FLT1: variants seen among roughly 807,000 people sequenced by gnomAD.
FLT1 encodes the protein fms related receptor tyrosine kinase 1, also known as vascular endothelial growth factor receptor 1.
A neutral mutation model predicts 156.3 loss-of-function variants in FLT1; 49 were observed. That is an observed-to-expected ratio of 0.31 (90% CI 0.25 to 0.40). FLT1 has a LOEUF of 0.40. Ranked by LOEUF, FLT1 falls within the 10% of genes least tolerant of loss-of-function variation. FLT1 has a pLI of 1.00. For synonymous variants in FLT1, 594 were observed against 583.8 expected (o/e 1.02, Z -0.25); for missense variants, 1,322 against 1,637.2 (o/e 0.81, Z 3.32).
intron 1 of FLT1, among the ~76,000 whole-genome samples, chr13:28,492,259 G>A (rs74416060): frequency 6.6e-6 from 1 of 151,304 alleles, no homozygotes. Flanking sequence ...TTTCCACTTA[G>A]TTATAGTAAA....
chr13:28,425,532 C>T (rs1877287090), intron 10 of FLT1, among the ~76,000 whole-genome samples: 1 of 74,630 alleles, frequency 1.3e-5, no homozygotes, highest in Admixed American at 1.4e-4. Context: ...TCACTTAAAC[C>T]CAAATTTATA....
rs1872232896 is a variant in FLT1 at position 28,339,169 on chromosome 13, C to T, written c.2487G>A (p.Leu829=). 1 of 1,613,956 alleles carries T rather than the reference C, an allele frequency of 6.2e-7. No individual in the cohort carries two copies. Among genetic ancestry groups the T allele is most frequent in the Admixed American group, 1.7e-5 (1 of 60,008 alleles). The change falls in exon 17 of 30, where the codon CTG becomes CTA. Residue 829 remains leucine (L), a splice_region_variant and synonymous_variant. Coordinates refer to ENST00000282397, the MANE Select transcript of FLT1 (RefSeq NM_002019.4). ...KWEFARERLK[L]GKSLGRGAFG... ...GAATCTGTTGAACAAATATCTTACC[C>T]AGTTTAAGTCTCTCCCGGGCAAACT... is the stretch of plus-strand genomic sequence containing the variant.
At chr13:28,453,407 G>A (rs1189305816) in intron 3 of FLT1, among the ~76,000 whole-genome samples, 1 of 152,122 alleles carries the variant, frequency 6.6e-6, no homozygotes, top group African/African-American at 2.4e-5. Flanking sequence ...ACAGGCGTAA[G>A]CCACCACGCC....
chr13:28,357,428 G>C (rs1019625541), intron 15 of FLT1, 126 bp downstream of exon 15: 1 of 949,288 alleles, frequency 1.1e-6, no homozygotes, highest in African/African-American at 1.6e-5. Context: ...CAGGGAGAGG[G>C]GAGAAGGAGG....
chr13:28,396,900 C>CT, intron 12 of FLT1, 60 bp downstream of exon 12: 1 of 1,013,004 alleles, frequency 9.9e-7, no homozygotes. Flanking sequence ...TAAAAGCAAA[C>CT]AAGACTGAAG....
chr13:28,447,199 T>A (rs1878666743), intron 3 of FLT1, among the ~76,000 whole-genome samples: 2 of 145,140 alleles, frequency 1.4e-5, no homozygotes, highest in Admixed American at 1.4e-4. Context: ...TTATATATAT[T>A]TGCAAAAGGG....
At chr13:28,424,773 A>G (rs1407593616) in intron 10 of FLT1, among the ~76,000 whole-genome samples, 3 of 152,198 alleles carry the variant, frequency 2.0e-5, no homozygotes, top group African/African-American at 7.2e-5. Context: ...TAGTCACCCA[A>G]TCTCTTTTGA....
chr13:28,352,100 G>A (rs1013963566), intron 15 of FLT1, among the ~76,000 whole-genome samples: 2 of 152,166 alleles, frequency 1.3e-5, no homozygotes, highest in South Asian at 2.1e-4. Context: ...TTTAACCACC[G>A]TGCTGTGCTA....
intron 25 of FLT1, among the ~76,000 whole-genome samples, chr13:28,316,827 C>T (rs1171244340): frequency 3.3e-5 from 5 of 151,862 alleles, no homozygotes; most frequent in Admixed American, 6.6e-5. Context: ...TTCACCATGT[C>T]GGCCAGGCTA....
At chr13:28,414,415 AC>A (rs1876523611) in intron 10 of FLT1, among the ~76,000 whole-genome samples, 1 of 152,184 alleles carries the variant, frequency 6.6e-6, no homozygotes, top group Non-Finnish European at 1.5e-5. Flanking sequence ...CAAAAAAGCA[AC>A]CCCATGCTAC....
chr13:28,345,666 AATCTGCTGCC>A, intron 15 of FLT1, 115 bp from the exon 16 acceptor site: 1 of 721,430 alleles, frequency 1.4e-6, no homozygotes, highest in Non-Finnish European at 2.5e-6. Context: ...TAGCGAACCC[AATCTGCTGCC>A]ACAAAATCAG....
chr13:28,355,486 G>A (rs1872867175), intron 15 of FLT1, among the ~76,000 whole-genome samples: 1 of 152,164 alleles, frequency 6.6e-6, no homozygotes, highest in African/African-American at 2.4e-5. Flanking sequence ...ATAATAAAAG[G>A]CAGAATAAAA....
intron 8 of FLT1, among the ~76,000 whole-genome samples, chr13:28,429,234 A>C (rs1453115736): frequency 6.6e-6 from 1 of 152,196 alleles, no homozygotes; most frequent in Admixed American, 6.5e-5. Context: ...ATTTGAGGGA[A>C]CTGCAAACAA....
intron 3 of FLT1, among the ~76,000 whole-genome samples, chr13:28,460,735 G>A (rs999794485): frequency 7.2e-6 from 1 of 139,350 alleles, no homozygotes; most frequent in East Asian, 2.1e-4. Context: ...GTCTATCCTG[G>A]TAACTTTTAA....
intron 14 of FLT1, among the ~76,000 whole-genome samples, chr13:28,379,685 G>A (rs549401836): frequency 7.2e-5 from 11 of 152,292 alleles, no homozygotes; most frequent in African/African-American, 1.4e-4. Flanking sequence ...CTTGCAATCC[G>A]TTCACATGCG....
At chr13:28,485,153 C>T (rs1400156527) in intron 1 of FLT1, among the ~76,000 whole-genome samples, 1 of 152,052 alleles carries the variant, frequency 6.6e-6, no homozygotes, top group Non-Finnish European at 1.5e-5. Context: ...ATATGTAAAT[C>T]AATTACATAT....
chr13:28,473,262 A>G (rs1880279898), intron 1 of FLT1, among the ~76,000 whole-genome samples: 1 of 152,136 alleles, frequency 6.6e-6, no homozygotes, highest in African/African-American at 2.4e-5. Context: ...TTGCACTCCT[A>G]GGTATCTACC....
intron 3 of FLT1, among the ~76,000 whole-genome samples, chr13:28,445,305 A>G (rs1311862298): frequency 2.0e-5 from 3 of 152,180 alleles, no homozygotes; most frequent in Admixed American, 2.0e-4. Context: ...GTGAAAACCC[A>G]TCTCTACTAA....
intron 15 of FLT1, 95 bp from the exon 16 acceptor site, chr13:28,345,646 T>C: frequency 1.2e-6 from 1 of 803,590 alleles, no homozygotes; most frequent in Non-Finnish European, 2.1e-6. Context: ...TTTCCCTAAA[T>C]GGTTTATCAT....
Sources: gnomAD v4.1 joint callset for allele counts (sites outside exome capture counted in the v4.1 genomes callset) on GRCh38, gnomAD v4.1.1 for gene constraint, MANE v1.5 for transcripts, NCBI Gene and HGNC (gene_info 2026-07-23, HGNC 2026-07-21) for gene names.